The following IGF2BP2 variants were observed in gnomAD, a reference collection of about 807,000 sequenced individuals.
The protein encoded by IGF2BP2 is insulin like growth factor 2 mRNA binding protein 2.
In IGF2BP2, 17 loss-of-function variants were observed where a neutral mutation model predicts 75.8. That is an observed-to-expected ratio of 0.22 (90% confidence interval 0.15 to 0.34). IGF2BP2 has a LOEUF of 0.34. Among genes scored for constraint, IGF2BP2 ranks in the 10% least tolerant of loss-of-function variants. The probability of loss-of-function intolerance (pLI) is 1.00; values close to 1 mark genes in which losing one functional copy is unlikely to be tolerated. For missense variants in IGF2BP2, 516 were observed against 772.4 expected, an observed-to-expected ratio of 0.67 and a Z score of 3.93; for synonymous variants, 288 against 295.6, an observed-to-expected ratio of 0.97 and a Z score of 0.26.
intron 2 of IGF2BP2, among the ~76,000 whole-genome samples, chr3:185,701,408 A>C (rs1723293121): frequency 6.6e-6 from 1 of 151,650 alleles, no homozygotes; most frequent in Non-Finnish European, 1.5e-5. Context: ...AAGAAGAAAA[A>C]ACCAAGCCTC....
chr3:185,646,270 G>T (rs1337090597), intron 15 of IGF2BP2, among the ~76,000 whole-genome samples: 1 of 152,188 alleles, frequency 6.6e-6, no homozygotes, highest in Non-Finnish European at 1.5e-5. Context: ...ACTGGGCGGG[G>T]GGTGCGTGTG....
rs185645443 is a variant in IGF2BP2, at chr3:185,662,112, G to C, written c.1201-3703C>G. Among the ~76,000 whole-genome samples, 107 of 152,268 alleles carry C rather than the reference G, an allele frequency of 7.0e-4. 3 individuals carry two copies. In the East Asian group the frequency reaches 0.019, roughly 27 times the overall value. ...ACGGGTGCTATGTGGCATTCAGTGAGGTCACAGGAATGAAAGATCACTGGG... is the reference window on the plus strand; with the variant it reads ...ACGGGTGCTATGTGGCATTCAGTGACGTCACAGGAATGAAAGATCACTGGG... On this transcript the variant is annotated intron_variant, in intron 10 of 15. Transcript: ENST00000382199.
intron 10 of IGF2BP2, among the ~76,000 whole-genome samples, chr3:185,669,088 T>C (rs1718117462): frequency 6.6e-6 from 1 of 152,296 alleles, no homozygotes; most frequent in African/African-American, 2.4e-5. Flanking sequence ...TTTTAAAACA[T>C]CAGACTGCGA....
At chr3:185,676,845 GAT>G (rs746886041) in intron 7 of IGF2BP2, among the ~76,000 whole-genome samples, 12 of 136,720 alleles carry the variant, frequency 8.8e-5, no homozygotes, top group East Asian at 2.1e-4. Context: ...ACTTACTGGA[GAT>G]ATATATATAT....
intron 6 of IGF2BP2, among the ~76,000 whole-genome samples, chr3:185,688,210 C>T (rs1017202234): frequency 1.3e-5 from 2 of 152,130 alleles, no homozygotes; most frequent in East Asian, 1.9e-4. Flanking sequence ...GTGTACCAGC[C>T]CATGTAAATA....
intron 2 of IGF2BP2, among the ~76,000 whole-genome samples, chr3:185,739,621 G>A (rs1729278857): frequency 6.6e-6 from 1 of 152,028 alleles, no homozygotes; most frequent in Admixed American, 6.6e-5. Flanking sequence ...TCTAGTCAGG[G>A]AGCTCTAAGG....
Position 185,794,286 on chromosome 3 carries a change from C to T in IGF2BP2, c.239+28867G>A, listed in dbSNP as rs749608994. Among the ~76,000 whole-genome samples, 2 of 71,036 alleles carry T rather than the reference C, an allele frequency of 2.8e-5. 1 individual carries two copies. The highest frequency in any genetic ancestry group is 5.7e-5 in the Non-Finnish European group (2 of 35,084). 46.6% of individuals were successfully genotyped at this position (71,036 alleles called of 152,430 possible). A position where few individuals can be genotyped will look rare whatever the true frequency, so the allele number is the denominator to read the frequency against. On this transcript the variant is annotated intron_variant, in intron 2 of 15. Coordinates refer to ENST00000382199, the MANE Select transcript of IGF2BP2 (RefSeq NM_006548.6). ...TGGCCCAGAGCAGATCCTAGAGACC[C>T]GGGCTGCCCTCATATCACAGGTGTG...
At chr3:185,646,987 A>T (rs1385824385) in intron 15 of IGF2BP2, 38 bp downstream of exon 15, 1 of 1,473,374 alleles carries the variant, frequency 6.8e-7, no homozygotes, top group South Asian at 1.1e-5. Flanking sequence ...AATTGAAAAG[A>T]GACTTGCAGG....
chr3:185,787,561 C>A (rs1392170184), intron 2 of IGF2BP2, among the ~76,000 whole-genome samples: 1 of 152,068 alleles, frequency 6.6e-6, no homozygotes, highest in Non-Finnish European at 1.5e-5. Flanking sequence ...GGTGAAACCC[C>A]ACCTCTACTA....
At chr3:185,654,524 G>A (rs76594537) in intron 12 of IGF2BP2, among the ~76,000 whole-genome samples, 18 of 152,326 alleles carry the variant, frequency 1.2e-4, no homozygotes, top group African/African-American at 3.8e-4. Flanking sequence ...CGTCCACTTC[G>A]TAATGACTTG....
intron 2 of IGF2BP2, among the ~76,000 whole-genome samples, chr3:185,749,613 G>T (rs1730698587): frequency 6.6e-6 from 1 of 152,202 alleles, no homozygotes; most frequent in Admixed American, 6.5e-5. Context: ...CCTCCCAGGT[G>T]CAGCAGCACT....
At chr3:185,671,578 G>A (rs1313630237) in intron 10 of IGF2BP2, among the ~76,000 whole-genome samples, 1 of 150,666 alleles carries the variant, frequency 6.6e-6, no homozygotes, top group African/African-American at 2.4e-5. Context: ...AGATTCAGAA[G>A]AGCCATATAT....
At chr3:185,723,122 A>G (rs778385354) in intron 2 of IGF2BP2, among the ~76,000 whole-genome samples, 2 of 152,218 alleles carry the variant, frequency 1.3e-5, no homozygotes, top group Non-Finnish European at 2.9e-5. Context: ...AGATCTGCTG[A>G]GGTTTATGTG....
chr3:185,823,844 A>G (rs1236572658), intron 1 of IGF2BP2, among the ~76,000 whole-genome samples: 1 of 150,282 alleles, frequency 6.7e-6, no homozygotes, highest in African/African-American at 2.5e-5. Context: ...TGCTGGGGAG[A>G]GTTGGGGAGT....
chr3:185,704,617 T>G (rs961856576), intron 2 of IGF2BP2, among the ~76,000 whole-genome samples: 3 of 152,152 alleles, frequency 2.0e-5, no homozygotes, highest in Non-Finnish European at 4.4e-5. Flanking sequence ...GCCCAGCTAT[T>G]TTTTGTAGTT....
intron 10 of IGF2BP2, among the ~76,000 whole-genome samples, chr3:185,658,721 C>T (rs1001731779): frequency 2.0e-5 from 3 of 152,344 alleles, no homozygotes; most frequent in East Asian, 1.9e-4. Context: ...TACACACATA[C>T]ACCCACTGGC....
intron 2 of IGF2BP2, among the ~76,000 whole-genome samples, chr3:185,754,951 T>TA (rs1317706356): frequency 6.6e-6 from 1 of 152,136 alleles, no homozygotes; most frequent in Non-Finnish European, 1.5e-5. Flanking sequence ...AAGCACAGTA[T>TA]AAAAGTTTGG....
intron 1 of IGF2BP2, 105 bp downstream of exon 1, chr3:185,824,678 C>T (rs1034010387): frequency 8.3e-6 from 7 of 846,710 alleles, no homozygotes; most frequent in East Asian, 4.0e-5. Context: ...CGTGCGGGCG[C>T]GGGAGCCGCC....
At chr3:185,731,058 GAATA>G (rs1393422901) in intron 2 of IGF2BP2, among the ~76,000 whole-genome samples, 2 of 152,036 alleles carry the variant, frequency 1.3e-5, no homozygotes, top group Non-Finnish European at 2.9e-5. Context: ...AAAAATGAAT[GAATA>G]AATACTTTAA....
Sources: gnomAD v4.1 joint callset for allele counts (sites outside exome capture counted in the v4.1 genomes callset) on GRCh38, gnomAD v4.1.1 for gene constraint, MANE v1.5 for transcripts, NCBI Gene and HGNC (gene_info 2026-07-23, HGNC 2026-07-21) for gene names.